Variants in EFR3B observed in about 807,000 individuals in gnomAD.
EFR3B encodes protein EFR3 homolog B.
In EFR3B, 64 loss-of-function variants were observed where a neutral mutation model predicts 104.7. The observed-to-expected ratio is 0.61, with a 90% CI of 0.50 to 0.75. The LOEUF (loss-of-function observed/expected upper bound fraction) is 0.75. EFR3B is among the 30% of genes least tolerant of loss of function. The pLI is 0.00. For missense variants in EFR3B, 750 were observed against 1,078.5 expected, an observed-to-expected ratio of 0.70 and a Z score of 4.27; for synonymous variants, 385 against 417.9, an observed-to-expected ratio of 0.92 and a Z score of 0.96.
chr2:25,081,338 C>T (rs780423805), intron 1 of EFR3B: 5 of 895,486 alleles, frequency 5.6e-6, no homozygotes, highest in Non-Finnish European at 7.2e-6. Context: ...CTGCTTCTTA[C>T]TACTTGTGAG....
intron 1 of EFR3B, among the ~76,000 whole-genome samples, chr2:25,059,577 G>GC (rs1056750540): frequency 2.0e-4 from 24 of 120,428 alleles, no homozygotes; most frequent in East Asian, 8.0e-4. Context: ...GACTGCGGGG[G>GC]GGGGGGGGGT....
At chr2:25,117,761 C>G (rs115015958) in intron 4 of EFR3B, among the ~76,000 whole-genome samples, 41 of 152,160 alleles carry the variant, frequency 2.7e-4, no homozygotes, top group Non-Finnish European at 4.6e-4. Flanking sequence ...TTCTCATCCA[C>G]CTCTTGTTCT....
chr2:25,082,126 A>T (rs1573188669), intron 1 of EFR3B, among the ~76,000 whole-genome samples: 2 of 152,210 alleles, frequency 1.3e-5, no homozygotes, highest in East Asian at 3.9e-4. Context: ...CAGCTGCAGG[A>T]TCTGCTCTCA....
intron 3 of EFR3B, among the ~76,000 whole-genome samples, chr2:25,102,465 T>C (rs1447086026): frequency 6.6e-6 from 1 of 152,086 alleles, no homozygotes; most frequent in African/African-American, 2.4e-5. Flanking sequence ...CTTACAATCA[T>C]AGCGAAAGTC....
chr2:25,148,241 G>A (rs867598150), intron 19 of EFR3B, among the ~76,000 whole-genome samples: 2 of 151,148 alleles, frequency 1.3e-5, no homozygotes. Context: ...CAGCCGGGGA[G>A]GGCCGGTCAC....
At chr2:25,094,369 G>A (rs933033490) in intron 3 of EFR3B, among the ~76,000 whole-genome samples, 1 of 151,682 alleles carries the variant, frequency 6.6e-6, no homozygotes, top group Non-Finnish European at 1.5e-5. Context: ...TAAGACAAAG[G>A]ATTCAAACTT....
chr2:25,106,766 T>C (rs1573207060), intron 4 of EFR3B, among the ~76,000 whole-genome samples: 2 of 151,836 alleles, frequency 1.3e-5, no homozygotes, highest in South Asian at 4.2e-4. Flanking sequence ...GTATTTTTGG[T>C]AGAGACAGGG....
At chr2:25,078,166 G>A (rs955679272) in intron 1 of EFR3B, among the ~76,000 whole-genome samples, 8 of 152,054 alleles carry the variant, frequency 5.3e-5, no homozygotes, top group Non-Finnish European at 1.2e-4. Flanking sequence ...TCTTCCCCAC[G>A]CCACCCAGCA....
At chr2:25,085,513 G>A (rs1222491739) in intron 1 of EFR3B, among the ~76,000 whole-genome samples, 1 of 152,172 alleles carries the variant, frequency 6.6e-6, no homozygotes. Context: ...TGCCCAGGCT[G>A]GAGTGTGGTG....
chr2:25,092,566 C>T (rs1166484968), intron 2 of EFR3B, among the ~76,000 whole-genome samples: 6 of 151,944 alleles, frequency 3.9e-5, no homozygotes, highest in South Asian at 2.1e-4. Context: ...TTTCTCCCCC[C>T]GAGACGGAGT....
chr2:25,101,654 C>T (rs1669435102), intron 3 of EFR3B, among the ~76,000 whole-genome samples: 1 of 152,198 alleles, frequency 6.6e-6, no homozygotes, highest in Admixed American at 6.5e-5. Context: ...GGCCACTTCC[C>T]CTCATTTTAA....
chr2:25,131,930 C>A lies in EFR3B; in HGVS notation c.1147+19C>A. On this transcript the variant is annotated intron_variant, in intron 10 of 22. Coordinates refer to ENST00000403714, the MANE Select transcript of EFR3B (RefSeq NM_014971.2). The surrounding 1 kb of genome is among the most constrained non-coding windows in gnomAD (Gnocchi z 7.6). ...ACCGTGGGTGCGGCGCGGGGCCGGGCCGGGGCGGGGCGGGGCCGAGGCGCG... is the reference window on the plus strand; with the variant it reads ...ACCGTGGGTGCGGCGCGGGGCCGGGACGGGGCGGGGCGGGGCCGAGGCGCG... 1 of 1,221,282 alleles carries A rather than the reference C, an allele frequency of 8.2e-7. No homozygotes were observed. Among genetic ancestry groups the A allele is most frequent in the East Asian group, 6.4e-5 (1 of 15,524 alleles). The allele number at this position is 1,221,282 out of a possible 1,614,324, so 75.7% of individuals were successfully genotyped here. A position where few individuals can be genotyped will look rare whatever the true frequency, so the allele number is the denominator to read the frequency against.
At chr2:25,073,274 A>G (rs1249092335) in intron 1 of EFR3B, among the ~76,000 whole-genome samples, 2 of 151,902 alleles carry the variant, frequency 1.3e-5, no homozygotes, top group Non-Finnish European at 2.9e-5. Flanking sequence ...CACATAGCTC[A>G]TGGTCCCAGT....
chr2:25,087,500 G>A (rs184507573), intron 1 of EFR3B, among the ~76,000 whole-genome samples: 1 of 141,076 alleles, frequency 7.1e-6, no homozygotes, highest in Non-Finnish European at 1.5e-5. Context: ...TTTTTTTTGA[G>A]CTGGAGTCTC....
chr2:25,129,388 A>AAGATCGGAAGAGCACACG (rs1670266506), intron 6 of EFR3B, among the ~76,000 whole-genome samples: 1 of 149,168 alleles, frequency 6.7e-6, no homozygotes. Context: ...TGGGGTTCGT[A>AAGATCGGAAGAGCACACG]TGCCATCTGG....
At chr2:25,099,217 C>A (rs1669365155) in intron 3 of EFR3B, among the ~76,000 whole-genome samples, 1 of 152,136 alleles carries the variant, frequency 6.6e-6, no homozygotes, top group Non-Finnish European at 1.5e-5. Context: ...TCAGTCTCTA[C>A]ACAGTGGACC....
At position 25,137,364 on chromosome 2, in the gene EFR3B, C is replaced by T; in HGVS notation, c.1584C>T (p.His528=). The T allele has an allele frequency of 6.4e-7, 1 of 1,552,178 alleles. No homozygotes were observed. Among genetic ancestry groups the T allele is most frequent in the Non-Finnish European group, 8.7e-7 (1 of 1,147,138 alleles). The change falls in exon 15 of 23, where the codon CAC becomes CAT. Residue 528 remains histidine, a synonymous_variant. Coordinates refer to ENST00000403714, the MANE Select transcript of EFR3B (RefSeq NM_014971.2). This position sits in a 1 kb window ranked among gnomAD's most constrained non-coding sequence, Gnocchi z 4.7. The stretch of plus-strand genomic sequence containing the variant: ...AGCACTCCCAGCAGCTCTACAGACA[C>T]ATCTACCTGAGCTGCAAGGAGGAAA... ...MKKHSQQLYR[H]IYLSCKEETN...
intron 1 of EFR3B, among the ~76,000 whole-genome samples, chr2:25,064,232 G>A (rs765650901): frequency 9.2e-5 from 14 of 152,220 alleles, no homozygotes; most frequent in Non-Finnish European, 1.5e-4. Context: ...TGCTGCAACA[G>A]TCTCTCTGAT....
In EFR3B at chr2:25,042,731, C is replaced by A; in HGVS notation, c.7+412C>A. On this transcript the variant is annotated intron_variant, in intron 1 of 22. Coordinates refer to ENST00000403714, the MANE Select transcript of EFR3B (RefSeq NM_014971.2). The surrounding 1 kb of genome is among the most constrained non-coding windows in gnomAD (Gnocchi z 5.4). ...GCTGAGGGAGACGCCCGCGGCCGGT[C>A]GTCTGCGCGGCTCGGAGAAGGCGGG... 1.0e-6 allele frequency: 1 copy of A among 987,946 alleles called. No individual in the cohort carries two copies. The highest frequency in any genetic ancestry group is 1.2e-6 in the Non-Finnish European group (1 of 830,270). 61.2% of individuals were successfully genotyped at this position (987,946 alleles called of 1,614,324 possible).
Sources: gnomAD v4.1 joint callset for allele counts (sites outside exome capture counted in the v4.1 genomes callset) on GRCh38, gnomAD v4.1.1 for gene constraint, Gnocchi (gnomAD v3.1) non-coding constraint, MANE v1.5 for transcripts, NCBI Gene and HGNC (gene_info 2026-07-23, HGNC 2026-07-21) for gene names.